Variants in TM9SF2 observed in about 807,000 individuals in gnomAD.
The protein encoded by TM9SF2 is 76 kDa membrane protein.
A neutral mutation model predicts 84.9 loss-of-function variants in TM9SF2; 13 were observed. The observed-to-expected ratio is 0.15, with a 90% CI of 0.10 to 0.24. The LOEUF (loss-of-function observed/expected upper bound fraction) is 0.24. Ranked by LOEUF, TM9SF2 falls within the 10% of genes least tolerant of loss-of-function variation. The pLI is 1.00. For synonymous variants in TM9SF2, 273 were observed against 285.8 expected (o/e 0.96, Z 0.45); for missense variants, 562 against 818.5 (o/e 0.69, Z 3.82).
At chr13:99,514,649 C>T (rs1163568405) in intron 1 of TM9SF2, among the ~76,000 whole-genome samples, 4 of 152,190 alleles carry the variant, frequency 2.6e-5, no homozygotes, top group Admixed American at 1.3e-4. Context: ...TGTTCTTTCC[C>T]GTGCTGTTCT....
intron 1 of TM9SF2, among the ~76,000 whole-genome samples, chr13:99,508,868 C>T (rs771021351): frequency 3.3e-5 from 5 of 152,064 alleles, no homozygotes; most frequent in Admixed American, 2.0e-4. Context: ...CCCACCAGGC[C>T]CTACCTCCAG....
chr13:99,544,081 G>T, intron 10 of TM9SF2, 86 bp downstream of exon 10: 1 of 1,471,770 alleles, frequency 6.8e-7, no homozygotes, highest in Non-Finnish European at 9.3e-7. Context: ...GCCGGGCATG[G>T]TGGCTCATGC....
intron 4 of TM9SF2, among the ~76,000 whole-genome samples, chr13:99,532,186 G>C (rs1486415729): frequency 6.6e-6 from 1 of 151,666 alleles, no homozygotes; most frequent in Non-Finnish European, 1.5e-5. Context: ...CGAGTAGCTG[G>C]GACTACAGGC....
At chr13:99,506,919 T>C (rs2046091032) in intron 1 of TM9SF2, among the ~76,000 whole-genome samples, 1 of 152,222 alleles carries the variant, frequency 6.6e-6, no homozygotes, top group South Asian at 2.1e-4. Flanking sequence ...GCTTTACATG[T>C]ATCCAACAAT....
intron 3 of TM9SF2, among the ~76,000 whole-genome samples, chr13:99,520,906 G>A (rs535310358): frequency 6.6e-6 from 1 of 152,152 alleles, no homozygotes; most frequent in African/African-American, 2.4e-5. Flanking sequence ...AACATCTTTG[G>A]TACATTTTTC....
In TM9SF2 at chr13:99,554,325, A is replaced by G; in HGVS notation, c.1510A>G (p.Thr504Ala). 6.2e-7 allele frequency: 1 copy of G among 1,613,914 alleles called. No homozygotes were observed. The highest frequency in any genetic ancestry group is 8.5e-7 in the Non-Finnish European group (1 of 1,179,926). The stretch of plus-strand genomic sequence containing the variant: ...GAAGGCCATTGAACACCCAGTTCGA[A>G]CCAATCAGATTCCACGTCAGATTCC... ...KKNAIEHPVR[T>A]NQIPRQIPEQ... The change falls in exon 14 of 17, where the codon ACC (threonine) becomes GCC (alanine). Residue 504 changes from threonine (T) to alanine (A), a missense_variant. Physicochemically the swap from Thr to Ala is moderately conservative, Grantham distance 58 (BLOSUM62 0). This residue lies in a region of TM9SF2 where 219 missense variants were observed against 338.1 expected (regional missense o/e 0.65). Transcript: ENST00000376387.
chr13:99,521,856 A>T (rs1019404684), intron 3 of TM9SF2, among the ~76,000 whole-genome samples: 7 of 151,906 alleles, frequency 4.6e-5, no homozygotes, highest in African/African-American at 1.7e-4. Flanking sequence ...ACAGATGCAT[A>T]CCACCACATC....
intron 2 of TM9SF2, among the ~76,000 whole-genome samples, chr13:99,518,849 A>G (rs1304005277): frequency 1.3e-5 from 2 of 150,622 alleles, no homozygotes; most frequent in African/African-American, 4.9e-5. Context: ...CTTGGGTTCA[A>G]GTGATCCTTA....
chr13:99,542,386 T>C (rs575773218), intron 9 of TM9SF2, among the ~76,000 whole-genome samples: 1 of 152,354 alleles, frequency 6.6e-6, no homozygotes, highest in East Asian at 1.9e-4. Flanking sequence ...CTTAACAAAT[T>C]TGTATCATTT....
At position 99,524,217 on chromosome 13, in the gene TM9SF2, G is replaced by C. The variant is rs79622763; in HGVS notation, c.333+4088G>C. Among the ~76,000 whole-genome samples, 1,294 of 152,274 alleles carry C rather than the reference G, an allele frequency of 8.5e-3. 8 individuals carry two copies. Among genetic ancestry groups the C allele is most frequent in the Non-Finnish European group, 0.015 (1,041 of 68,024 alleles). Reference sequence around the variant, plus strand: ...CTGGCTGCTGTACTGAGAATGGACCGTGGGGGTGCGAGGGGAGAAGCCAGG... The same window carrying C: ...CTGGCTGCTGTACTGAGAATGGACCCTGGGGGTGCGAGGGGAGAAGCCAGG... On this transcript the variant is annotated intron_variant, in intron 3 of 16. Coordinates refer to ENST00000376387, the MANE Select transcript of TM9SF2 (RefSeq NM_004800.3).
intron 1 of TM9SF2, among the ~76,000 whole-genome samples, chr13:99,511,961 C>G (rs2046115340): frequency 6.6e-6 from 1 of 152,188 alleles, no homozygotes; most frequent in African/African-American, 2.4e-5. Context: ...AGGCTACTAT[C>G]AGAATTGTGC....
chr13:99,547,081 A>T lies in TM9SF2; in HGVS notation c.1247A>T (p.Tyr416Phe), dbSNP rs756682067. Reference protein sequence around the residue: ...LWVLLGTPAGYVAARFYKSFG... With the variant: ...LWVLLGTPAGFVAARFYKSFG... ...GTGCTGCTGGGCACCCCTGCAGGCT[A>T]TGTTGCTGCCAGATTCTATAAGTGT... Residue 416 changes from tyrosine to phenylalanine, a missense_variant, in exon 11 of 17, where the codon TAT becomes TTT. Transcript: ENST00000376387. 2.3e-5 allele frequency: 37 copies of T among 1,613,846 alleles called. No homozygotes were observed. The highest frequency in any genetic ancestry group is 2.8e-5 in the Non-Finnish European group (33 of 1,179,960).
At chr13:99,546,153 G>T (rs910217914) in intron 10 of TM9SF2, among the ~76,000 whole-genome samples, 1 of 152,150 alleles carries the variant, frequency 6.6e-6, no homozygotes, top group Admixed American at 6.5e-5. Context: ...GCTTGTCAGA[G>T]GTGTGTGCGC....
intron 16 of TM9SF2, among the ~76,000 whole-genome samples, chr13:99,560,490 ACAG>A (rs879261240): frequency 6.6e-6 from 1 of 152,108 alleles, no homozygotes; most frequent in Non-Finnish European, 1.5e-5. Context: ...CATCTATAAA[ACAG>A]CAGTAGCCAG....
At chr13:99,513,516 A>T (rs2046121879) in intron 1 of TM9SF2, among the ~76,000 whole-genome samples, 1 of 152,216 alleles carries the variant, frequency 6.6e-6, no homozygotes, top group Non-Finnish European at 1.5e-5. Flanking sequence ...TTTACCCTAA[A>T]TTTATATGCC....
intron 2 of TM9SF2, among the ~76,000 whole-genome samples, chr13:99,518,214 C>CA (rs1566564484): frequency 6.6e-6 from 1 of 152,168 alleles, no homozygotes; most frequent in Non-Finnish European, 1.5e-5. Flanking sequence ...CGCGTTCAGG[C>CA]GAATCTCCTG....
chr13:99,560,952 G>A (rs865883199), intron 16 of TM9SF2, among the ~76,000 whole-genome samples: 16 of 152,046 alleles, frequency 1.1e-4, no homozygotes, highest in Non-Finnish European at 1.6e-4. Context: ...CGAAGTGCTC[G>A]GATTGGGCGT....
chr13:99,508,847 T>C (rs1206043599), intron 1 of TM9SF2, among the ~76,000 whole-genome samples: 1 of 152,050 alleles, frequency 6.6e-6, no homozygotes, highest in African/African-American at 2.4e-5. Flanking sequence ...ACCCCCATGA[T>C]CTAGTCACCT....
Position 99,501,658 on chromosome 13 carries a change from C to T in TM9SF2, c.52C>T (p.Leu18=). Residue 18 remains leucine (L), a synonymous_variant, in exon 1 of 17, where the codon CTG becomes TTG. Coordinates refer to ENST00000376387, the MANE Select transcript of TM9SF2 (RefSeq NM_004800.3). ...TCCACCTCGGTGGCCGCGGCTGTTG[C>T]TGCTGTCGCTGCTCCTGCTGGGGGC... The part of the protein sequence containing the change: ...LSPPRWPRLL[L]LSLLLLGAVP... 4 of 1,613,246 alleles carry T rather than the reference C, an allele frequency of 2.5e-6. No homozygotes were observed. Among genetic ancestry groups the T allele is most frequent in the Non-Finnish European group, 3.4e-6 (4 of 1,179,726 alleles).
Sources: allele counts gnomAD v4.1 joint callset (sites outside exome capture counted in the v4.1 genomes callset), GRCh38; gene constraint gnomAD v4.1.1; regional missense constraint gnomAD v4.1.1; transcripts MANE v1.5; gene names NCBI Gene and HGNC (gene_info 2026-07-23, HGNC 2026-07-21).